The following OPHN1 variants were observed in gnomAD, a reference collection of about 807,000 sequenced individuals.
OPHN1 encodes the protein oligophrenin-1.
Under a neutral mutation model 60.7 loss-of-function variants are expected in OPHN1, and 11 were observed. That is an observed-to-expected ratio of 0.18 (90% CI 0.11 to 0.30). The LOEUF (loss-of-function observed/expected upper bound fraction) is 0.30. OPHN1 is among the 10% of genes least tolerant of loss of function. The pLI, the probability that OPHN1 is intolerant of heterozygous loss-of-function variation, is 1.00. For synonymous variants in OPHN1, 226 were observed against 222.6 expected (o/e 1.02, Z -0.14); for missense variants, 449 against 611.0 (o/e 0.73, Z 2.80).
intron 2 of OPHN1, among the ~76,000 whole-genome samples, chrX:68,303,257 G>A (rs1286370321): frequency 8.9e-6 from 1 of 112,086 alleles, no homozygotes; most frequent in Non-Finnish European, 1.9e-5. Context: ...CCCAAAAGCA[G>A]TATATCAAAG....
intron 20 of OPHN1, chrX:68,071,048 TA>T: frequency 8.9e-7 from 1 of 1,118,067 alleles, no homozygotes; most frequent in Non-Finnish European, 1.2e-6. Flanking sequence ...TTAAGGAAGG[TA>T]AAAGCCGTTC....
chrX:68,339,327 C>T (rs1007583597), intron 2 of OPHN1, among the ~76,000 whole-genome samples: 65 of 109,630 alleles, frequency 5.9e-4, no homozygotes, highest in African/African-American at 8.9e-4. Context: ...GGTGAAAGAC[C>T]GAATACTTTC....
At chrX:68,343,759 A>G (rs2147695019) in intron 2 of OPHN1, among the ~76,000 whole-genome samples, 1 of 111,627 alleles carries the variant, frequency 9.0e-6, no homozygotes, top group Non-Finnish European at 1.9e-5. Context: ...GAAAAGCAAT[A>G]TTTGCCATGT....
At chrX:68,385,785 A>G (rs1192011465) in intron 2 of OPHN1, among the ~76,000 whole-genome samples, 2 of 112,368 alleles carry the variant, frequency 1.8e-5, no homozygotes, top group Non-Finnish European at 3.7e-5. Context: ...TGCTTAAAAA[A>G]TCACAAACAG....
chrX:68,284,137 C>T (rs755935723), intron 3 of OPHN1, among the ~76,000 whole-genome samples: 5 of 111,469 alleles, frequency 4.5e-5, no homozygotes, highest in Admixed American at 9.6e-5. Context: ...TTTCCAGACA[C>T]GATCAGTTTA....
In OPHN1 at chrX:68,411,057, G is replaced by A. The variant is rs772912597; in HGVS notation, c.154+21810C>T. Among the ~76,000 whole-genome samples the A allele has an allele frequency of 5.9e-4, 66 of 111,910 alleles. 1 individual carries two copies. Among genetic ancestry groups the A allele is most frequent in the Non-Finnish European group, 8.8e-4 (47 of 53,247 alleles). Reference sequence around the variant, plus strand: ...TCAACTGACAAAAGGCAAATTAATAGGAGAAAAGGCATACAATTTATTAAT... The same window carrying A: ...TCAACTGACAAAAGGCAAATTAATAAGAGAAAAGGCATACAATTTATTAAT... On this transcript the variant is annotated intron_variant, in intron 2 of 24. Coordinates refer to ENST00000355520, the MANE Select transcript of OPHN1 (RefSeq NM_002547.3).
intron 19 of OPHN1, among the ~76,000 whole-genome samples, chrX:68,091,091 CCCTGAGGGGCAGCCTTAA>C (rs1031502995): frequency 9.0e-6 from 1 of 111,317 alleles, no homozygotes; most frequent in African/African-American, 3.3e-5. Flanking sequence ...GTCCCCCTTT[CCCTGAGGGGCAGCCTTAA>C]CCTGATAGAC....
intron 6 of OPHN1, among the ~76,000 whole-genome samples, chrX:68,225,503 G>A (rs191445804): frequency 9.0e-6 from 1 of 111,689 alleles, no homozygotes; most frequent in African/African-American, 3.3e-5. Flanking sequence ...CATACAGCTG[G>A]GTGCCCCTCT....
intron 2 of OPHN1, among the ~76,000 whole-genome samples, chrX:68,380,056 A>C (rs1016582832): frequency 3.6e-5 from 4 of 111,170 alleles, no homozygotes; most frequent in Non-Finnish European, 3.8e-5. Flanking sequence ...CCATCTGGTC[A>C]TGGACTCTTT....
upstream of OPHN1, chrX:68,433,513 A>G (rs971000409): frequency 8.2e-5 from 22 of 267,646 alleles, 1 homozygote; most frequent in Non-Finnish European, 1.4e-4. Context: ...CTCCGCGGGC[A>G]ACCCGGATTG....
intron 15 of OPHN1, among the ~76,000 whole-genome samples, chrX:68,174,538 C>A (rs191030447): frequency 1.1e-5 from 1 of 91,994 alleles, no homozygotes; most frequent in Non-Finnish European, 2.0e-5. Flanking sequence ...GTGGTGCAAT[C>A]GCAGCTTACT....
At chrX:68,280,356 A>G (rs867860427) in intron 4 of OPHN1, among the ~76,000 whole-genome samples, 2 of 111,548 alleles carry the variant, frequency 1.8e-5, no homozygotes, top group Non-Finnish European at 3.8e-5. Flanking sequence ...TCACTCTACA[A>G]ATAAGAAAAA....
intron 5 of OPHN1, among the ~76,000 whole-genome samples, chrX:68,251,474 G>A (rs543428520): frequency 9.1e-5 from 10 of 109,691 alleles, no homozygotes; most frequent in South Asian, 7.9e-4. Flanking sequence ...GAGAGCCACC[G>A]CACCTGGCCC....
At chrX:68,177,538 A>T (rs748664359) in intron 15 of OPHN1, among the ~76,000 whole-genome samples, 15 of 45,261 alleles carry the variant, frequency 3.3e-4, no homozygotes, top group South Asian at 1.2e-3. Context: ...TAATTTAATT[A>T]AAAAAAAAGA....
chrX:68,152,778 A>C (rs1358974676), intron 15 of OPHN1, among the ~76,000 whole-genome samples: 2 of 110,765 alleles, frequency 1.8e-5, no homozygotes, highest in Non-Finnish European at 3.8e-5. Flanking sequence ...TAATATCTCC[A>C]TCCACTTCTA....
At chrX:68,373,135 A>G (rs1044234086) in intron 2 of OPHN1, among the ~76,000 whole-genome samples, 13 of 112,227 alleles carry the variant, frequency 1.2e-4, no homozygotes, top group South Asian at 3.7e-4. Flanking sequence ...GCTGAGCAGT[A>G]TGTTTTAGAA....
chrX:68,382,945 G>A (rs946651939), intron 2 of OPHN1, among the ~76,000 whole-genome samples: 9 of 111,298 alleles, frequency 8.1e-5, no homozygotes, highest in African/African-American at 2.6e-4. Context: ...TTTTGTTTTC[G>A]GTGATAGGCA....
At chrX:68,298,204 A>G (rs926958256) in intron 3 of OPHN1, among the ~76,000 whole-genome samples, 13 of 111,641 alleles carry the variant, frequency 1.2e-4, no homozygotes, top group Admixed American at 1.9e-4. Context: ...GCCAGAAGAT[A>G]ACGATTTTAG....
At chrX:68,083,054 C>CTTTTTTTTTTTTTTTT (rs869083899) in intron 19 of OPHN1, among the ~76,000 whole-genome samples, 1 of 37,455 alleles carries the variant, frequency 2.7e-5, no homozygotes, top group African/African-American at 1.2e-4. Flanking sequence ...CTGCTAGTTT[C>CTTTTTTTTTTTTTTTT]TTTTTTTTTT....
Sources: allele counts gnomAD v4.1 joint callset (sites outside exome capture counted in the v4.1 genomes callset), GRCh38; gene constraint gnomAD v4.1.1; transcripts MANE v1.5; gene names NCBI Gene and HGNC (gene_info 2026-07-23, HGNC 2026-07-21).